The following EBF1 variants were observed in gnomAD, a reference collection of about 807,000 sequenced individuals.
EBF1 encodes transcription factor COE1.
A neutral mutation model predicts 68.4 loss-of-function variants in EBF1; 10 were observed. The observed-to-expected ratio is 0.15, with a 90% CI of 0.09 to 0.25. The LOEUF (loss-of-function observed/expected upper bound fraction) is 0.25, where lower values mean the gene tolerates loss of function less well. Among genes scored for constraint, EBF1 ranks in the 10% least tolerant of loss-of-function variants. The pLI is 1.00. For missense variants in EBF1, 509 were observed against 794.4 expected, an observed-to-expected ratio of 0.64 and a Z score of 4.32; for synonymous variants, 298 against 299.8, an observed-to-expected ratio of 0.99 and a Z score of 0.06.
At chr5:158,937,422 G>A (rs916908178) in intron 6 of EBF1, among the ~76,000 whole-genome samples, 5 of 152,150 alleles carry the variant, frequency 3.3e-5, no homozygotes, top group Admixed American at 6.5e-5. Flanking sequence ...AGCAGCAGGA[G>A]CTACTTATAA....
At chr5:158,833,161 C>T (rs1333193249) in intron 7 of EBF1, among the ~76,000 whole-genome samples, 2 of 152,050 alleles carry the variant, frequency 1.3e-5, no homozygotes, top group African/African-American at 4.8e-5. Context: ...TAAAAATTAG[C>T]CAGGGGTGGT....
rs1323151223 is a variant in EBF1, at chr5:158,938,717, GGT to G, written c.555-98609_555-98608del. On this transcript the variant is annotated intron_variant, in intron 6 of 15. Coordinates refer to ENST00000313708, the MANE Select transcript of EBF1 (RefSeq NM_024007.5). ...TCTCTTTTCCTCTTCTTATGAAGAC[GGT>G]AATGCCATCATGGCAGGGGAGGGCT... 7.2e-5 allele frequency among the ~76,000 whole-genome samples: 11 copies of G among 152,236 alleles called. No individual in the cohort carries two copies. The East Asian group carries it at 1.2e-3, about 16-fold the overall frequency.
At chr5:159,085,932 G>T (rs1780565699) in intron 4 of EBF1, among the ~76,000 whole-genome samples, 1 of 152,084 alleles carries the variant, frequency 6.6e-6, no homozygotes, top group South Asian at 2.1e-4. Flanking sequence ...GAGAACTGTG[G>T]TTATGGTATC....
chr5:158,882,860 G>A (rs985416662), intron 6 of EBF1, among the ~76,000 whole-genome samples: 3 of 152,178 alleles, frequency 2.0e-5, no homozygotes, highest in Non-Finnish European at 4.4e-5. Flanking sequence ...GCAGAGCCCC[G>A]CTGTTCATGT....
At chr5:158,950,765 G>A (rs1358991396) in intron 6 of EBF1, among the ~76,000 whole-genome samples, 3 of 152,190 alleles carry the variant, frequency 2.0e-5, no homozygotes, top group Non-Finnish European at 4.4e-5. Context: ...ATTTGGTGGA[G>A]TTTGTCCAAA....
chr5:159,069,416 G>T (rs1244864718), intron 6 of EBF1, among the ~76,000 whole-genome samples: 1 of 152,068 alleles, frequency 6.6e-6, no homozygotes, highest in Non-Finnish European at 1.5e-5. Context: ...AACTTCAGGA[G>T]TCTGTGTGAA....
At chr5:158,886,516 A>T (rs1454865852) in intron 6 of EBF1, among the ~76,000 whole-genome samples, 2 of 152,228 alleles carry the variant, frequency 1.3e-5, no homozygotes, top group African/African-American at 4.8e-5. Flanking sequence ...TGGAACTCCA[A>T]TCCCAAACCC....
rs78940297 is a variant in EBF1 at position 158,888,951 on chromosome 5, C to A, written c.555-48841G>T. On this transcript the variant is annotated intron_variant, in intron 6 of 15. Transcript: ENST00000313708. ...CAGAATTTTCTTCCCTTTACTTCTC[C>A]CACCAATATGTTGAATAATTCTCTT... Among the ~76,000 whole-genome samples, 707 of 152,226 alleles carry A rather than the reference C, an allele frequency of 4.6e-3. 6 individuals are homozygous for A. Among genetic ancestry groups the A allele is most frequent in the African/African-American group, 0.016 (681 of 41,538 alleles).
At chr5:158,769,149 T>C (rs1337861356) in intron 10 of EBF1, among the ~76,000 whole-genome samples, 1 of 152,214 alleles carries the variant, frequency 6.6e-6, no homozygotes, top group Non-Finnish European at 1.5e-5. Context: ...GACCAGCTTA[T>C]CTGCTTCTTC....
chr5:159,060,870 A>C (rs1775656728), intron 6 of EBF1, among the ~76,000 whole-genome samples: 1 of 151,968 alleles, frequency 6.6e-6, no homozygotes, highest in Non-Finnish European at 1.5e-5. Flanking sequence ...TTGTCAGATA[A>C]AAGATTATGT....
chr5:158,936,262 A>T (rs567502531), intron 6 of EBF1, among the ~76,000 whole-genome samples: 18 of 152,328 alleles, frequency 1.2e-4, no homozygotes, highest in Non-Finnish European at 2.4e-4. Flanking sequence ...TCAGCTGATC[A>T]TGAATGGATG....
chr5:158,840,913 C>T (rs897911980), intron 6 of EBF1, among the ~76,000 whole-genome samples: 14 of 151,560 alleles, frequency 9.2e-5, no homozygotes, highest in Non-Finnish European at 1.5e-4. Context: ...CCTCGTGATC[C>T]GCCCGCCTCG....
At chr5:158,750,701 C>A (rs1263014097) in intron 10 of EBF1, among the ~76,000 whole-genome samples, 4 of 150,838 alleles carry the variant, frequency 2.7e-5, no homozygotes, top group Non-Finnish European at 5.9e-5. Context: ...TTTTATAGTG[C>A]AAATAATAAA....
chr5:159,096,568 C>T lies in EBF1; in HGVS notation c.292-162G>A, dbSNP rs1584593989. ...ATTGTGGCCAATTGTGATCCCTCCT[C>T]CGCCCCCTGTTCCTGACTGCTCCCT... On this transcript the variant is annotated intron_variant, in intron 2 of 15. Transcript: ENST00000313708. 8.1e-6 allele frequency: 6 copies of T among 745,160 alleles called. No individual in the cohort carries two copies. The East Asian group carries it at 1.6e-4, about 20-fold the overall frequency. 46.2% of individuals were successfully genotyped at this position (745,160 alleles called of 1,614,324 possible). A position where few individuals can be genotyped will look rare whatever the true frequency, so the allele number is the denominator to read the frequency against.
At chr5:158,931,155 G>T (rs564026599) in intron 6 of EBF1, among the ~76,000 whole-genome samples, 1 of 152,150 alleles carries the variant, frequency 6.6e-6, no homozygotes, top group Non-Finnish European at 1.5e-5. Context: ...CCACTAAGCT[G>T]CCCATTTCTA....
intron 8 of EBF1, among the ~76,000 whole-genome samples, chr5:158,820,284 G>A (rs1429886723): frequency 6.6e-6 from 1 of 152,100 alleles, no homozygotes; most frequent in Non-Finnish European, 1.5e-5. Context: ...TGGGAGCGGA[G>A]ACACAGAGGG....
chr5:158,747,241 T>C lies in EBF1; in HGVS notation c.1037-16084A>G, dbSNP rs894997331. Among the ~76,000 whole-genome samples, 6 of 152,182 alleles carry C rather than the reference T, an allele frequency of 3.9e-5. No homozygotes were observed. In the East Asian group the frequency reaches 1.2e-3, roughly 29 times the overall value. ...CCCAGTCCTCTGTGTCATTCCTCCA[T>C]GTAAGCCTGACTTAAAATAAATAGG... On this transcript the variant is annotated intron_variant, in intron 10 of 15. Coordinates refer to ENST00000313708, the MANE Select transcript of EBF1 (RefSeq NM_024007.5).
At chr5:158,928,479 T>A (rs1810159533) in intron 6 of EBF1, among the ~76,000 whole-genome samples, 1 of 152,204 alleles carries the variant, frequency 6.6e-6, no homozygotes, top group Non-Finnish European at 1.5e-5. Context: ...GGCACCATGC[T>A]CCCTATCTGC....
intron 10 of EBF1, among the ~76,000 whole-genome samples, chr5:158,737,409 G>A (rs912374676): frequency 1.3e-5 from 2 of 149,860 alleles, no homozygotes; most frequent in Admixed American, 1.3e-4. Flanking sequence ...TCAGCCTTCC[G>A]AGTAGCTGGG....
Sources: allele counts gnomAD v4.1 joint callset (sites outside exome capture counted in the v4.1 genomes callset), GRCh38; gene constraint gnomAD v4.1.1; transcripts MANE v1.5; gene names NCBI Gene and HGNC (gene_info 2026-07-23, HGNC 2026-07-21).